FUT9: variants seen among roughly 807,000 people sequenced by gnomAD.
FUT9 encodes the protein fucosyltransferase 9.
A neutral mutation model predicts 29.7 loss-of-function variants in FUT9; 15 were observed. The observed-to-expected ratio is 0.51, with a 90% CI of 0.34 to 0.78. The LOEUF is 0.78. Ranked by LOEUF, FUT9 falls within the 30% of genes least tolerant of loss-of-function variation. The probability of loss-of-function intolerance (pLI) is 0.01; values close to 1 mark genes in which losing one functional copy is unlikely to be tolerated. For synonymous variants in FUT9, 169 were observed against 153.7 expected, an observed-to-expected ratio of 1.10 and a Z score of -0.74; for missense variants, 319 against 425.4, an observed-to-expected ratio of 0.75 and a Z score of 2.20.
At chr6:96,102,036 T>G (rs565676449) in intron 1 of FUT9, among the ~76,000 whole-genome samples, 1 of 152,196 alleles carries the variant, frequency 6.6e-6, no homozygotes, top group East Asian at 1.9e-4. Context: ...GTGTGTAAAG[T>G]CTCAAAAAAT....
chr6:96,088,565 T>C (rs927874085), intron 1 of FUT9, among the ~76,000 whole-genome samples: 25 of 115,138 alleles, frequency 2.2e-4, no homozygotes, highest in Admixed American at 1.0e-3. Flanking sequence ...TGTGTGTGTG[T>C]GTGCGTGCGC....
At chr6:96,188,419 T>C (rs1582295735) in intron 2 of FUT9, among the ~76,000 whole-genome samples, 1 of 152,012 alleles carries the variant, frequency 6.6e-6, no homozygotes, top group African/African-American at 2.4e-5. Flanking sequence ...GCCTTGGCCT[T>C]CCAAAGTGCT....
At chr6:96,050,576 T>C (rs1333418711) in intron 1 of FUT9, among the ~76,000 whole-genome samples, 1 of 152,192 alleles carries the variant, frequency 6.6e-6, no homozygotes, top group Non-Finnish European at 1.5e-5. Context: ...TCAAATTGCT[T>C]TAAAAGTATT....
At chr6:96,182,953 A>T (rs7744289) in intron 2 of FUT9, among the ~76,000 whole-genome samples, 1 of 151,258 alleles carries the variant, frequency 6.6e-6, no homozygotes, top group Non-Finnish European at 1.5e-5. Context: ...GAATTTTAGG[A>T]TTTTTTTTCT....
At chr6:96,160,243 G>A (rs942348400) in intron 2 of FUT9, among the ~76,000 whole-genome samples, 1 of 152,144 alleles carries the variant, frequency 6.6e-6, no homozygotes, top group African/African-American at 2.4e-5. Flanking sequence ...TGATGGTATT[G>A]TGGCTCTGAT....
chr6:96,058,279 C>T (rs1770810892), intron 1 of FUT9, among the ~76,000 whole-genome samples: 1 of 152,002 alleles, frequency 6.6e-6, no homozygotes, highest in African/African-American at 2.4e-5. Flanking sequence ...TTTGATTCCT[C>T]ACTGAGCAAA....
intron 1 of FUT9, among the ~76,000 whole-genome samples, chr6:96,043,155 C>T (rs532119874): frequency 6.6e-6 from 1 of 152,084 alleles, no homozygotes; most frequent in Non-Finnish European, 1.5e-5. Flanking sequence ...GGGTTCATGC[C>T]ATTCTCCTGC....
At position 96,088,567 on chromosome 6, in the gene FUT9, T is replaced by TGTGC. The variant is rs1218702133; in HGVS notation, c.-97-25471_-97-25470insTGCG. Among the ~76,000 whole-genome samples, 64 of 129,674 alleles carry TGTGC rather than the reference T, an allele frequency of 4.9e-4. 1 individual carries two copies. The highest frequency in any genetic ancestry group is 1.7e-3 in the African/African-American group (62 of 36,568). The allele number at this position is 129,674 out of a possible 152,430, so 85.1% of individuals were successfully genotyped here. On this transcript the variant is annotated intron_variant, in intron 1 of 2. Coordinates refer to ENST00000302103, the MANE Select transcript of FUT9 (RefSeq NM_006581.4). Reference sequence around the variant, plus strand: ...GTGTGTGTGTGTGTGTGTGTGTGTGTGCGTGCGCGCGCGTGCTCCATATTG... The same window carrying TGTGC: ...GTGTGTGTGTGTGTGTGTGTGTGTGTGTGCGCGTGCGCGCGCGTGCTCCATATTG...
At chr6:96,195,449 C>T (rs1035076640) in intron 2 of FUT9, among the ~76,000 whole-genome samples, 5 of 152,036 alleles carry the variant, frequency 3.3e-5, no homozygotes, top group South Asian at 2.1e-4. Context: ...TATAGCATTC[C>T]GGAGATCAAC....
chr6:96,033,447 G>T (rs977946019), intron 1 of FUT9, among the ~76,000 whole-genome samples: 2 of 151,544 alleles, frequency 1.3e-5, no homozygotes, highest in African/African-American at 2.4e-5. Context: ...TCCACAGATA[G>T]AATAAAATTA....
At chr6:96,140,555 GAA>G (rs1772443821) in intron 2 of FUT9, among the ~76,000 whole-genome samples, 3 of 152,136 alleles carry the variant, frequency 2.0e-5, no homozygotes, top group African/African-American at 4.8e-5. Context: ...AATTTATAAA[GAA>G]AAAGAGGTTT....
intron 2 of FUT9, among the ~76,000 whole-genome samples, chr6:96,145,818 C>T (rs556628010): frequency 4.6e-5 from 7 of 152,190 alleles, no homozygotes; most frequent in African/African-American, 1.4e-4. Flanking sequence ...TTGTAGGTCA[C>T]GAGGTCTCAG....
At chr6:96,036,307 C>G (rs1280656492) in intron 1 of FUT9, among the ~76,000 whole-genome samples, 1 of 151,026 alleles carries the variant, frequency 6.6e-6, no homozygotes, top group East Asian at 1.9e-4. Flanking sequence ...AGCAGATTTC[C>G]ATGCTGCAAG....
intron 2 of FUT9, among the ~76,000 whole-genome samples, chr6:96,168,916 G>A (rs1773061815): frequency 6.6e-6 from 1 of 152,152 alleles, no homozygotes; most frequent in African/African-American, 2.4e-5. Flanking sequence ...GGCTCTCATA[G>A]GAATAAAGCT....
At chr6:96,046,349 G>T (rs1770563817) in intron 1 of FUT9, among the ~76,000 whole-genome samples, 2 of 151,994 alleles carry the variant, frequency 1.3e-5, no homozygotes, top group South Asian at 4.2e-4. Flanking sequence ...ATTGTTGCAT[G>T]TCACTGAATT....
Position 96,100,947 on chromosome 6 carries a change from G to A in FUT9, c.-97-13092G>A, listed in dbSNP as rs544889971. Reference sequence around the variant, plus strand: ...AGGACTTAGTGTTTGAATGAAAATGGAAGTTTAGGAGGCATCAGGATTAAA... The same window carrying A: ...AGGACTTAGTGTTTGAATGAAAATGAAAGTTTAGGAGGCATCAGGATTAAA... On this transcript the variant is annotated intron_variant, in intron 1 of 2. Coordinates refer to ENST00000302103, the MANE Select transcript of FUT9 (RefSeq NM_006581.4). Among the ~76,000 whole-genome samples, 10 of 152,244 alleles carry A rather than the reference G, an allele frequency of 6.6e-5. No homozygotes were observed. In the South Asian group the frequency reaches 2.1e-3, roughly 32 times the overall value.
chr6:96,149,583 T>A (rs959231990), intron 2 of FUT9, among the ~76,000 whole-genome samples: 1 of 152,190 alleles, frequency 6.6e-6, no homozygotes, highest in African/African-American at 2.4e-5. Context: ...AACTCAATTA[T>A]TTGTAATTGT....
At chr6:96,079,124 T>C (rs923376615) in intron 1 of FUT9, among the ~76,000 whole-genome samples, 3 of 152,160 alleles carry the variant, frequency 2.0e-5, no homozygotes, top group African/African-American at 4.8e-5. Flanking sequence ...CATGTTTTAA[T>C]TTCTCTTGAA....
At chr6:96,018,639 T>A (rs1431581129) in intron 1 of FUT9, among the ~76,000 whole-genome samples, 3 of 151,918 alleles carry the variant, frequency 2.0e-5, no homozygotes, top group African/African-American at 7.2e-5. Context: ...GGATGACGGG[T>A]TTAAGTATTT....
Sources: gnomAD v4.1 joint callset for allele counts (sites outside exome capture counted in the v4.1 genomes callset) on GRCh38, gnomAD v4.1.1 for gene constraint, MANE v1.5 for transcripts, NCBI Gene and HGNC (gene_info 2026-07-23, HGNC 2026-07-21) for gene names.